Variants in WWTR1 observed in about 807,000 individuals in gnomAD.
WWTR1 encodes the protein WW domain-containing transcription regulator protein 1.
Under a neutral mutation model 40.1 loss-of-function variants are expected in WWTR1, and 13 were observed. That is an observed-to-expected ratio of 0.32 (90% CI 0.21 to 0.52). The LOEUF (loss-of-function observed/expected upper bound fraction) is 0.52, where lower values mean the gene tolerates loss of function less well. WWTR1 is among the 20% of genes least tolerant of loss of function. The pLI is 0.97. For missense variants in WWTR1, 436 were observed against 523.1 expected (o/e 0.83, Z 1.63); for synonymous variants, 230 against 210.1 (o/e 1.09, Z -0.82).
At chr3:149,622,502 G>GAAGAAAAAGAAAGAAAGAAAGAAAGA (rs1740343986) in intron 2 of WWTR1, among the ~76,000 whole-genome samples, 3 of 46,298 alleles carry the variant, frequency 6.5e-5, no homozygotes, top group African/African-American at 2.4e-4. Flanking sequence ...AGGAAGGAAG[G>GAAGAAAAAGAAAGAAAGAAAGAAAGA]AAGAAAGAAA....
intron 3 of WWTR1, among the ~76,000 whole-genome samples, chr3:149,557,981 T>C (rs6440624): frequency 0.63 from 93,131 of 146,750 alleles, 30,811 homozygotes; most frequent in East Asian, 0.96. Flanking sequence ...CCAACCTGGG[T>C]GACAGAGCAA....
At chr3:149,605,130 G>A (rs1182057599) in intron 2 of WWTR1, among the ~76,000 whole-genome samples, 1 of 152,216 alleles carries the variant, frequency 6.6e-6, no homozygotes, top group Non-Finnish European at 1.5e-5. Context: ...AATATGGTTG[G>A]AGAGTGGAGA....
chr3:149,528,021 G>A (rs370683519), intron 4 of WWTR1, 52 bp from the exon 5 acceptor site: 22 of 1,582,506 alleles, frequency 1.4e-5, no homozygotes, highest in Non-Finnish European at 1.8e-5. Context: ...ACAAGGCATG[G>A]AGCAAAGTGT....
chr3:149,569,774 A>G (rs1737532015), intron 3 of WWTR1, among the ~76,000 whole-genome samples: 1 of 152,240 alleles, frequency 6.6e-6, no homozygotes, highest in African/African-American at 2.4e-5. Flanking sequence ...GCTACATTCC[A>G]TTGAAAAGTA....
intron 3 of WWTR1, among the ~76,000 whole-genome samples, chr3:149,551,067 G>A (rs1409785051): frequency 6.9e-6 from 1 of 144,642 alleles, no homozygotes; most frequent in African/African-American, 2.6e-5. Context: ...GGAGGCTGAG[G>A]CGGGCAAATC....
chr3:149,611,584 G>A lies in WWTR1; in HGVS notation c.432-38584C>T, dbSNP rs16862032. On this transcript the variant is annotated intron_variant, in intron 2 of 6. Coordinates refer to ENST00000360632, the MANE Select transcript of WWTR1 (RefSeq NM_015472.6). The stretch of plus-strand genomic sequence containing the variant: ...TTGATCTAAGTTTTGATTACTCAAC[G>A]TTTCAAAAGGCAGAAATGGGAAAAT... Among the ~76,000 whole-genome samples, 1,147 of 152,294 alleles carry A rather than the reference G, an allele frequency of 7.5e-3. 15 individuals are homozygous for A. The highest frequency in any genetic ancestry group is 0.025 in the African/African-American group (1,047 of 41,558).
In WWTR1 at chr3:149,613,058, T is replaced by C. The variant is rs755397312; in HGVS notation, c.432-40058A>G. Among the ~76,000 whole-genome samples the C allele has an allele frequency of 3.9e-5, 6 of 152,146 alleles. 1 individual carries two copies. Among genetic ancestry groups the C allele is most frequent in the Admixed American group, 3.3e-4 (5 of 15,264 alleles). The stretch of plus-strand genomic sequence containing the variant: ...GCTCTTCTTCCAAAGTGCAGGTGGG[T>C]AGGCTGGCAGCAGAGCAGAGATGGC... On this transcript the variant is annotated intron_variant, in intron 2 of 6. Coordinates refer to ENST00000360632, the MANE Select transcript of WWTR1 (RefSeq NM_015472.6).
At chr3:149,651,882 T>G (rs1161776897) in intron 2 of WWTR1, among the ~76,000 whole-genome samples, 1 of 145,584 alleles carries the variant, frequency 6.9e-6, no homozygotes, top group Non-Finnish European at 1.5e-5. Flanking sequence ...CAGGCTGGAG[T>G]GCAGTGGCGC....
At chr3:149,620,125 T>C (rs1740199974) in intron 2 of WWTR1, among the ~76,000 whole-genome samples, 1 of 152,194 alleles carries the variant, frequency 6.6e-6, no homozygotes, top group Non-Finnish European at 1.5e-5. Context: ...TTTCGTATCA[T>C]CTCAGTTTAG....
Position 149,669,483 on chromosome 3 carries a change from C to T in WWTR1, c.-4+305G>A, listed in dbSNP as rs529767777. On this transcript the variant is annotated intron_variant, in intron 2 of 7. Coordinates refer to the WWTR1 transcript ENST00000465804. Reference sequence around the variant, plus strand: ...ATTTCACTTGAACTTGCACTTCTATCGTTTAAAGAAGACAAACAAGGTCCC... The same window carrying T: ...ATTTCACTTGAACTTGCACTTCTATTGTTTAAAGAAGACAAACAAGGTCCC... Among the ~76,000 whole-genome samples the T allele has an allele frequency of 9.2e-5, 14 of 152,268 alleles. No homozygotes were observed. In the South Asian group the frequency reaches 2.9e-3, roughly 32 times the overall value.
chr3:149,695,838 C>T (rs538404843), intron 1 of WWTR1, among the ~76,000 whole-genome samples: 10 of 149,308 alleles, frequency 6.7e-5, no homozygotes, highest in South Asian at 2.1e-4. Flanking sequence ...GGAGGCCGGA[C>T]GCAGTGGCTC....
intron 2 of WWTR1, among the ~76,000 whole-genome samples, chr3:149,668,170 A>T (rs1177530843): frequency 6.6e-6 from 1 of 152,234 alleles, no homozygotes; most frequent in Non-Finnish European, 1.5e-5. Flanking sequence ...CTTCTCTCAT[A>T]AGTGTAAAAG....
At chr3:149,647,300 CT>C (rs903854198) in intron 2 of WWTR1, among the ~76,000 whole-genome samples, 7 of 150,006 alleles carry the variant, frequency 4.7e-5, no homozygotes, top group South Asian at 2.1e-4. Flanking sequence ...TCTTTAAAAA[CT>C]TTTTTTTTTA....
At chr3:149,583,635 G>C (rs1414602236) in intron 2 of WWTR1, among the ~76,000 whole-genome samples, 2 of 152,124 alleles carry the variant, frequency 1.3e-5, no homozygotes, top group South Asian at 2.1e-4. Context: ...TTTCTTCCAG[G>C]GTTAGAATAT....
chr3:149,724,399 A>G (rs1257048728), intron 3 of WWTR1, among the ~76,000 whole-genome samples: 2 of 152,024 alleles, frequency 1.3e-5, no homozygotes, highest in African/African-American at 4.8e-5. Context: ...CCAAGAATCA[A>G]TGTGATCCCC....
At chr3:149,608,703 A>C (rs1358687245) in intron 2 of WWTR1, among the ~76,000 whole-genome samples, 1 of 152,038 alleles carries the variant, frequency 6.6e-6, no homozygotes, top group Non-Finnish European at 1.5e-5. Context: ...TAATTTTTTA[A>C]AAGGTAAATT....
At chr3:149,692,673 G>A (rs1044419689) in intron 1 of WWTR1, among the ~76,000 whole-genome samples, 51 of 151,984 alleles carry the variant, frequency 3.4e-4, no homozygotes, top group South Asian at 2.1e-4. Context: ...CATTCTTGTC[G>A]CCCAGGCTGG....
At chr3:149,546,414 T>C (rs1267096612) in intron 3 of WWTR1, among the ~76,000 whole-genome samples, 4 of 152,226 alleles carry the variant, frequency 2.6e-5, no homozygotes, top group East Asian at 1.9e-4. Flanking sequence ...ATGATTCCAA[T>C]GTTTCTTAGA....
chr3:149,529,506 A>C (rs1392742725), intron 4 of WWTR1, among the ~76,000 whole-genome samples: 2 of 152,226 alleles, frequency 1.3e-5, no homozygotes, highest in Non-Finnish European at 2.9e-5. Flanking sequence ...GCAAATAATC[A>C]AATACTTAAC....
Sources: gnomAD v4.1 joint callset for allele counts (sites outside exome capture counted in the v4.1 genomes callset) on GRCh38, gnomAD v4.1.1 for gene constraint, MANE v1.5 for transcripts, NCBI Gene and HGNC (gene_info 2026-07-23, HGNC 2026-07-21) for gene names.